NRG1: variants seen among roughly 807,000 people sequenced by gnomAD.
NRG1 encodes the protein neuregulin 1, also known as pro-neuregulin-1, membrane-bound isoform.
In NRG1, 18 loss-of-function variants were observed where a neutral mutation model predicts 63.8. The ratio of observed to expected loss-of-function variants is 0.28; its 90% CI spans 0.19 to 0.42. NRG1 has a LOEUF of 0.42. NRG1 is among the 10% of genes least tolerant of loss of function. NRG1 has a pLI of 1.00. For synonymous variants in NRG1, 302 were observed against 301.3 expected, an observed-to-expected ratio of 1.00 and a Z score of -0.02; for missense variants, 762 against 814.7, an observed-to-expected ratio of 0.94 and a Z score of 0.79.
rs187024109 is a variant in NRG1, at chr8:32,564,328, C to T, written c.100+15502C>T. Among the ~76,000 whole-genome samples the T allele has an allele frequency of 9.1e-3, 1,385 of 152,262 alleles. 85 individuals carry two copies. The highest frequency in any genetic ancestry group is 0.082 in the Admixed American group (1,253 of 15,286). On this transcript the variant is annotated intron_variant, in intron 1 of 11. Transcript: ENST00000356819. ...TATTTAAGTCTATCACCTGGAGGTT[C>T]GTTCATTTATTGCCAGGAAAGAATC... is the stretch of plus-strand genomic sequence containing the variant.
chr8:31,927,540 C>T (rs573939652), intron 1 of NRG1, among the ~76,000 whole-genome samples: 388 of 140,460 alleles, frequency 2.8e-3, no homozygotes, highest in Middle Eastern at 9.0e-3. Flanking sequence ...GCTCCGCCTC[C>T]GGGGTTCACG....
rs550019092 is a variant in NRG1 at position 32,199,866 on chromosome 8, G to A, written c.38-395962G>A. Among the ~76,000 whole-genome samples, 15 of 151,972 alleles carry A rather than the reference G, an allele frequency of 9.9e-5. No homozygotes were observed. The East Asian group carries it at 1.9e-3, about 20-fold the overall frequency. ...ACGATCTTAGTTCACTGCAACCTCCGCCTCCTGGGTTCATGTGATTCTACT... is the reference window on the plus strand; with the variant it reads ...ACGATCTTAGTTCACTGCAACCTCCACCTCCTGGGTTCATGTGATTCTACT... On this transcript the variant is annotated intron_variant, in intron 1 of 10. Transcript: ENST00000519301.
At chr8:32,647,947 G>C in intron 5 of NRG1, 1 of 1,614,182 alleles carries the variant, frequency 6.2e-7, no homozygotes, top group Non-Finnish European at 8.5e-7. Flanking sequence ...GAGAAAATCT[G>C]CATTGTCCCC....
At chr8:31,923,387 T>G (rs1834073457) in intron 1 of NRG1, among the ~76,000 whole-genome samples, 1 of 152,172 alleles carries the variant, frequency 6.6e-6, no homozygotes, top group Non-Finnish European at 1.5e-5. Flanking sequence ...ATATGACTTT[T>G]GAGAATACAT....
chr8:32,517,935 A>T (rs1302912181), intron 1 of NRG1, among the ~76,000 whole-genome samples: 2 of 152,198 alleles, frequency 1.3e-5, no homozygotes, highest in East Asian at 3.8e-4. Context: ...GTTCTCTAGC[A>T]AAGATCAAAT....
intron 1 of NRG1, among the ~76,000 whole-genome samples, chr8:32,054,288 T>G (rs912969713): frequency 6.6e-6 from 1 of 152,192 alleles, no homozygotes; most frequent in South Asian, 2.1e-4. Context: ...TTAGAGCACA[T>G]CACGTGACTC....
chr8:31,840,914 T>C (rs999932616), intron 1 of NRG1, among the ~76,000 whole-genome samples: 2 of 152,142 alleles, frequency 1.3e-5, no homozygotes, highest in African/African-American at 2.4e-5. Flanking sequence ...TGGCCTATGC[T>C]TTTTTCTTAG....
chr8:31,782,728 TA>T (rs1328164915), intron 1 of NRG1, among the ~76,000 whole-genome samples: 1 of 152,176 alleles, frequency 6.6e-6, no homozygotes, highest in Non-Finnish European at 1.5e-5. Flanking sequence ...CGCTGTGCTT[TA>T]CAAAATTTAA....
intron 5 of NRG1, among the ~76,000 whole-genome samples, chr8:32,686,058 T>C (rs1053434045): frequency 2.0e-5 from 3 of 152,236 alleles, no homozygotes; most frequent in African/African-American, 4.8e-5. Flanking sequence ...AGTTGTGTTT[T>C]TATCATTACA....
At chr8:32,296,071 A>G (rs1586677790) in intron 1 of NRG1, among the ~76,000 whole-genome samples, 2 of 152,266 alleles carry the variant, frequency 1.3e-5, no homozygotes, top group African/African-American at 4.8e-5. Flanking sequence ...CATTGGCAAG[A>G]TATCTAAATA....
At chr8:32,177,609 G>T (rs1264763851) in intron 1 of NRG1, among the ~76,000 whole-genome samples, 1 of 151,534 alleles carries the variant, frequency 6.6e-6, no homozygotes, top group Non-Finnish European at 1.5e-5. Context: ...TGTTCTCATT[G>T]TTCAACTCCC....
intron 1 of NRG1, among the ~76,000 whole-genome samples, chr8:32,585,443 T>C (rs1841429763): frequency 6.6e-6 from 1 of 152,180 alleles, no homozygotes. Flanking sequence ...ACCTTCCAGC[T>C]GCTGGCCGCG....
At chr8:32,558,120 A>G (rs186417764) in intron 1 of NRG1, among the ~76,000 whole-genome samples, 2 of 152,368 alleles carry the variant, frequency 1.3e-5, no homozygotes, top group East Asian at 3.9e-4. Context: ...AGGAATCAAC[A>G]GAAGCTAAGG....
intron 1 of NRG1, among the ~76,000 whole-genome samples, chr8:32,172,998 G>A (rs1840249977): frequency 6.6e-6 from 1 of 152,062 alleles, no homozygotes; most frequent in South Asian, 2.1e-4. Flanking sequence ...ACGCCACAAA[G>A]ATACTCCTCG....
chr8:32,741,987 T>TACCACATTTTTGCCC, intron 6 of NRG1, 21 bp from the exon 7 acceptor site: 3 of 1,607,792 alleles, frequency 1.9e-6, no homozygotes, highest in Non-Finnish European at 2.6e-6. Flanking sequence ...TTTTTTTGCT[T>TACCACATTTTTGCCC]ACCACATTTT....
chr8:32,437,955 T>G (rs1201135497), intron 1 of NRG1, among the ~76,000 whole-genome samples: 2 of 152,188 alleles, frequency 1.3e-5, no homozygotes, highest in Non-Finnish European at 2.9e-5. Context: ...GTGTCTTCTT[T>G]AAAAGTAATT....
chr8:32,460,062 C>A (rs1411265596), intron 1 of NRG1, among the ~76,000 whole-genome samples: 1 of 152,192 alleles, frequency 6.6e-6, no homozygotes, highest in East Asian at 1.9e-4. Context: ...CACTCCTGCC[C>A]CTGAAATAGA....
At chr8:31,690,240 T>C (rs59728005) in intron 1 of NRG1, among the ~76,000 whole-genome samples, 2 of 151,896 alleles carry the variant, frequency 1.3e-5, no homozygotes, top group East Asian at 1.9e-4. Flanking sequence ...GAGTCATTTA[T>C]AAATTTCCTC....
chr8:32,632,225 A>G (rs1329839643), intron 5 of NRG1, among the ~76,000 whole-genome samples: 1 of 152,180 alleles, frequency 6.6e-6, no homozygotes, highest in South Asian at 2.1e-4. Context: ...CCATCGAAGT[A>G]TACACTCTTT....
Sources: gnomAD v4.1 joint callset for allele counts (sites outside exome capture counted in the v4.1 genomes callset) on GRCh38, gnomAD v4.1.1 for gene constraint, MANE v1.5 for transcripts, NCBI Gene and HGNC (gene_info 2026-07-23, HGNC 2026-07-21) for gene names.